The following POM121C variants were observed in gnomAD, a reference collection of about 807,000 sequenced individuals.
The protein encoded by POM121C is POM121 transmembrane nucleoporin C.
Under a neutral mutation model 66.4 loss-of-function variants are expected in POM121C, and 20 were observed. The observed-to-expected ratio is 0.30, with a 90% CI of 0.21 to 0.44. The LOEUF (loss-of-function observed/expected upper bound fraction) is 0.44. Among genes scored for constraint, POM121C ranks in the 20% least tolerant of loss-of-function variants. The pLI, the probability that POM121C is intolerant of heterozygous loss-of-function variation, is 1.00. For synonymous variants in POM121C, 286 were observed against 528.0 expected (o/e 0.54, Z 6.28); for missense variants, 580 against 1,225.7 (o/e 0.47, Z 7.87).
At chr7:75,424,994 A>G (rs1789882812) in intron 10 of POM121C, 80 bp downstream of exon 10, 1 of 1,520,314 alleles carries the variant, frequency 6.6e-7, no homozygotes, top group African/African-American at 1.4e-5. Flanking sequence ...AAAAAAAAAC[A>G]GAAGAAACTT....
chr7:75,438,052 G>A (rs587730518), intron 6 of POM121C, among the ~76,000 whole-genome samples: 3 of 152,190 alleles, frequency 2.0e-5, no homozygotes, highest in East Asian at 1.9e-4. Flanking sequence ...AGGTGTATGC[G>A]TGTCAAAATG....
At chr7:75,464,677 C>T (rs1399806362) in intron 3 of POM121C, among the ~76,000 whole-genome samples, 1 of 147,644 alleles carries the variant, frequency 6.8e-6, no homozygotes, top group Non-Finnish European at 1.5e-5. Flanking sequence ...TGAAAGGAAT[C>T]AAAGTCTGAA....
At chr7:75,441,384 T>A (rs1790641954) in intron 4 of POM121C, 48 bp downstream of exon 4, 1 of 1,577,784 alleles carries the variant, frequency 6.3e-7, no homozygotes, top group African/African-American at 1.4e-5. Flanking sequence ...TGGAGAAGAA[T>A]AAAGTGGACA....
chr7:75,472,408 G>A lies in POM121C; in HGVS notation c.-152+2296C>T, dbSNP rs1584711770. Among the ~76,000 whole-genome samples, 4 of 152,068 alleles carry A rather than the reference G, an allele frequency of 2.6e-5. No homozygotes were observed. In the South Asian group the frequency reaches 8.3e-4, roughly 32 times the overall value. On this transcript the variant is annotated intron_variant, in intron 3 of 14. Transcript: ENST00000615331. ...CATGCCTGTAATCTCAGCTACTCGG[G>A]AGGCTGAGGCACAAGAATCACTTGA...
At chr7:75,475,574 T>C (rs2116530848) in intron 1 of POM121C, among the ~76,000 whole-genome samples, 1 of 151,204 alleles carries the variant, frequency 6.6e-6, no homozygotes, top group South Asian at 2.1e-4. Context: ...CGGGACCTCT[T>C]CATGTTGGAG....
intron 13 of POM121C, chr7:75,420,042 A>T (rs587764759): frequency 1.3e-5 from 2 of 152,814 alleles, no homozygotes; most frequent in South Asian, 4.1e-4. Flanking sequence ...TAAATACCGT[A>T]ACTCAGGTTC....
At chr7:75,421,455 A>G (rs1789703222) in intron 13 of POM121C, 54 bp downstream of exon 13, 5 of 1,608,432 alleles carry the variant, frequency 3.1e-6, no homozygotes, top group Non-Finnish European at 4.2e-6. Flanking sequence ...CAGGCTTCAC[A>G]GGCACAGCTT....
intron 7 of POM121C, among the ~76,000 whole-genome samples, chr7:75,433,968 G>A (rs587725512): frequency 1.3e-5 from 2 of 152,306 alleles, no homozygotes; most frequent in Admixed American, 6.5e-5. Flanking sequence ...AAGGGTGCGT[G>A]TATCTCTTAT....
Position 75,440,567 on chromosome 7 carries a change from C to CAA in POM121C, c.227+385_227+386dup, listed in dbSNP as rs370237046. On this transcript the variant is annotated intron_variant, in intron 5 of 14. Coordinates refer to ENST00000615331, the MANE Select transcript of POM121C (RefSeq NM_001099415.3). ...TGGGGGACAGAGACAGACTCCAACT[C>CAA]AAAAAAAAAAAAAAAAAGACACTAG... 567 of 156,832 alleles carry CAA rather than the reference C, an allele frequency of 3.6e-3. 3 individuals carry two copies. The highest frequency in any genetic ancestry group is 0.018 in the South Asian group (220 of 12,154). The allele number at this position is 156,832 out of a possible 1,614,324, so 9.7% of individuals were successfully genotyped here.
chr7:75,473,302 C>T (rs1378462108), intron 3 of POM121C, among the ~76,000 whole-genome samples: 3 of 151,812 alleles, frequency 2.0e-5, no homozygotes, highest in Admixed American at 1.3e-4. Context: ...AACTCTTTTA[C>T]GGGATACAAA....
intron 1 of POM121C, among the ~76,000 whole-genome samples, chr7:75,479,496 A>G (rs1438128283): frequency 6.7e-6 from 1 of 148,796 alleles, no homozygotes; most frequent in Non-Finnish European, 1.5e-5. Context: ...GGTGTCTGTA[A>G]TCCCAGCTAC....
At chr7:75,427,213 C>T (rs1730465916) in intron 7 of POM121C, among the ~76,000 whole-genome samples, 1 of 152,106 alleles carries the variant, frequency 6.6e-6, no homozygotes, top group Non-Finnish European at 1.5e-5. Context: ...ATCACGAGGT[C>T]AGGAGATGGA....
At position 75,481,503 on chromosome 7, in the gene POM121C, T is replaced by C. The variant is rs587659128; in HGVS notation, c.-458+4361A>G. 9.9e-5 allele frequency among the ~76,000 whole-genome samples: 15 copies of C among 152,262 alleles called. No individual in the cohort carries two copies. The South Asian group carries it at 3.1e-3, about 32-fold the overall frequency. On this transcript the variant is annotated intron_variant, in intron 1 of 14. Coordinates refer to ENST00000615331, the MANE Select transcript of POM121C (RefSeq NM_001099415.3). ...TAGAAACTGTCTTTCCTGCATGAAT[T>C]ACATAAACAAATAGAGAATAGAAAT...
chr7:75,477,649 C>A (rs150527025), intron 1 of POM121C, among the ~76,000 whole-genome samples: 26,698 of 151,938 alleles, frequency 0.18, 2,680 homozygotes, highest in Middle Eastern at 0.29. Context: ...TGGACCCAGG[C>A]CAGGTGTGGT....
chr7:75,464,934 CAGATGGAAGAG>C lies in POM121C; in HGVS notation c.-152+9759_-152+9769del, dbSNP rs373332910. On this transcript the variant is annotated intron_variant, in intron 3 of 14. Transcript: ENST00000615331. ...CCAGACTATTTCGAATTCATTAGAG[CAGATGGAAGAG>C]AGAGTCATTGAACACATGAAGACAG... 4.4e-3 allele frequency among the ~76,000 whole-genome samples: 637 copies of C among 143,884 alleles called. 1 individual carries two copies. The highest frequency in any genetic ancestry group is 0.016 in the African/African-American group (610 of 39,118). 94.4% of individuals were successfully genotyped at this position (143,884 alleles called of 152,430 possible). A position where few individuals can be genotyped will look rare whatever the true frequency, so the allele number is the denominator to read the frequency against.
intron 3 of POM121C, among the ~76,000 whole-genome samples, chr7:75,471,606 C>G (rs1236670945): frequency 3.9e-5 from 6 of 152,012 alleles, no homozygotes; most frequent in African/African-American, 1.2e-4. Context: ...GAGCAGAAAC[C>G]AGGGCAGAAG....
chr7:75,437,722 A>T, intron 6 of POM121C, 36 bp from the exon 7 acceptor site: 1 of 1,546,158 alleles, frequency 6.5e-7, no homozygotes, highest in Non-Finnish European at 8.8e-7. Flanking sequence ...GCTTTATTGA[A>T]GGCAACATTC....
rs184699939 is a variant in POM121C, at chr7:75,461,463, G to C, written c.-152+13241C>G. The stretch of plus-strand genomic sequence containing the variant: ...GATGGAGTCTCTTTCTGTCGCCCAG[G>C]CTGGAGTGCAGAGGTGCAATCGGCT... On this transcript the variant is annotated intron_variant, in intron 3 of 14. Transcript: ENST00000615331. Among the ~76,000 whole-genome samples, 745 of 152,196 alleles carry C rather than the reference G, an allele frequency of 4.9e-3. 4 individuals are homozygous for C. The highest frequency in any genetic ancestry group is 8.4e-3 in the Non-Finnish European group (573 of 68,036).
At chr7:75,442,213 A>T (rs1172267175) in intron 3 of POM121C, 6 of 1,267,878 alleles carry the variant, frequency 4.7e-6, no homozygotes, top group Non-Finnish European at 6.0e-6. Context: ...GGTGAACGCG[A>T]TGGGTCGGCT....
Sources: allele counts gnomAD v4.1 joint callset (sites outside exome capture counted in the v4.1 genomes callset), GRCh38; gene constraint gnomAD v4.1.1; transcripts MANE v1.5; gene names NCBI Gene and HGNC (gene_info 2026-07-23, HGNC 2026-07-21).